The following CDC14B variants were observed in gnomAD, a reference collection of about 807,000 sequenced individuals.
CDC14B encodes cell division cycle 14B.
A neutral mutation model predicts 64.2 loss-of-function variants in CDC14B; 22 were observed. That is an observed-to-expected ratio of 0.34 (90% CI 0.24 to 0.49). The LOEUF (loss-of-function observed/expected upper bound fraction) is 0.49. Ranked by LOEUF, CDC14B falls within the 20% of genes least tolerant of loss-of-function variation. The probability of loss-of-function intolerance (pLI) is 0.99; values close to 1 mark genes in which losing one functional copy is unlikely to be tolerated. For synonymous variants in CDC14B, 191 were observed against 215.8 expected, an observed-to-expected ratio of 0.89 and a Z score of 1.01; for missense variants, 498 against 629.9, an observed-to-expected ratio of 0.79 and a Z score of 2.24.
chr9:96,562,841 ATTTC>A, intron 3 of CDC14B, 56 bp from the exon 4 acceptor site: 1 of 1,144,626 alleles, frequency 8.7e-7, no homozygotes, highest in Non-Finnish European at 1.3e-6. Flanking sequence ...GTCTTCCACA[ATTTC>A]ATTTTGTGAT....
intron 12 of CDC14B, among the ~76,000 whole-genome samples, chr9:96,520,502 C>T (rs376023544): frequency 3.9e-5 from 6 of 152,228 alleles, no homozygotes; most frequent in East Asian, 1.9e-4. Context: ...CGCACAGCCA[C>T]GCCCAGCTAG....
At chr9:96,503,830 A>G in intron 13 of CDC14B, 41 bp from the exon 14 acceptor site, 1 of 1,504,338 alleles carries the variant, frequency 6.6e-7, no homozygotes, top group Non-Finnish European at 9.2e-7. Flanking sequence ...GAAAGTTTAC[A>G]CAGCGTCCAC....
At chr9:96,555,556 G>T (rs944748970) in intron 4 of CDC14B, among the ~76,000 whole-genome samples, 3 of 152,174 alleles carry the variant, frequency 2.0e-5, no homozygotes, top group African/African-American at 7.2e-5. Context: ...TAATTTGCTG[G>T]GCAGCAATAG....
chr9:96,619,110 C>G (rs952519856), intron 1 of CDC14B, 109 bp downstream of exon 1: 1 of 845,282 alleles, frequency 1.2e-6, no homozygotes, highest in Admixed American at 4.6e-5. Context: ...GGGGCGAAGG[C>G]ATTTCGGCCC....
At chr9:96,611,264 T>C (rs1009910163) in intron 1 of CDC14B, among the ~76,000 whole-genome samples, 3 of 152,230 alleles carry the variant, frequency 2.0e-5, no homozygotes, top group African/African-American at 7.2e-5. Context: ...ATTCTTCTTA[T>C]AACACTAGAA....
chr9:96,499,613 C>T (rs529859072), downstream of CDC14B, among the ~76,000 whole-genome samples: 2 of 152,298 alleles, frequency 1.3e-5, no homozygotes, highest in African/African-American at 4.8e-5. Context: ...AGCAGGAGCC[C>T]CCTGTCACTC....
chr9:96,595,813 G>A (rs1846037075), intron 1 of CDC14B, among the ~76,000 whole-genome samples: 1 of 152,142 alleles, frequency 6.6e-6, no homozygotes, highest in South Asian at 2.1e-4. Flanking sequence ...GAGGTGAGGG[G>A]AAGGGAATAG....
intron 1 of CDC14B, among the ~76,000 whole-genome samples, chr9:96,617,489 A>G (rs1254297126): frequency 6.6e-6 from 1 of 152,188 alleles, no homozygotes; most frequent in Non-Finnish European, 1.5e-5. Flanking sequence ...AACCGTATGT[A>G]CATTGGCCTA....
intron 1 of CDC14B, among the ~76,000 whole-genome samples, chr9:96,616,592 C>T (rs150143267): frequency 1.9e-3 from 295 of 151,920 alleles, no homozygotes; most frequent in African/African-American, 6.9e-3. Flanking sequence ...GGCATGGTGG[C>T]GGGCGCCTGT....
chr9:96,568,431 G>A (rs1844264526), intron 1 of CDC14B, among the ~76,000 whole-genome samples: 1 of 152,180 alleles, frequency 6.6e-6, no homozygotes, highest in Non-Finnish European at 1.5e-5. Flanking sequence ...AAAAGTAACA[G>A]AAATGCAAAG....
intron 1 of CDC14B, 151 bp downstream of exon 1, chr9:96,619,068 G>C (rs140114401): frequency 1.2e-5 from 6 of 492,938 alleles, no homozygotes; most frequent in South Asian, 1.0e-4. Context: ...GCTCCTAAAG[G>C]GGGTGTGGCG....
In CDC14B at chr9:96,502,683, G is replaced by A. The variant is rs1325491185; in HGVS notation, c.*1070C>T. 5.1e-6 allele frequency: 2 copies of A among 391,208 alleles called. No individual in the cohort carries two copies. The highest frequency in any genetic ancestry group is 9.0e-6 in the Non-Finnish European group (2 of 221,976). 24.2% of individuals were successfully genotyped at this position (391,208 alleles called of 1,614,324 possible). Reference sequence around the variant, plus strand: ...CTGCTGTGTTCCAGTAGGGCTGCGGGAGAAGGCACTCTGCAGAGTTACTAG... The same window carrying A: ...CTGCTGTGTTCCAGTAGGGCTGCGGAAGAAGGCACTCTGCAGAGTTACTAG... On this transcript the variant is annotated 3_prime_UTR_variant, in exon 14 of 14. Coordinates refer to ENST00000375241, the MANE Select transcript of CDC14B (RefSeq NM_033331.4).
intron 1 of CDC14B, among the ~76,000 whole-genome samples, chr9:96,578,273 T>C (rs557597278): frequency 1.1e-3 from 175 of 152,328 alleles, no homozygotes; most frequent in African/African-American, 3.9e-3. Context: ...ATCTTCCTCA[T>C]AGAACAATTC....
At chr9:96,542,142 T>C (rs1327231685) in intron 5 of CDC14B, among the ~76,000 whole-genome samples, 1 of 152,212 alleles carries the variant, frequency 6.6e-6, no homozygotes, top group Non-Finnish European at 1.5e-5. Context: ...TTTCAAATGT[T>C]CTCTCTGGAT....
chr9:96,605,338 T>C (rs1338893407), intron 1 of CDC14B, among the ~76,000 whole-genome samples: 7 of 152,178 alleles, frequency 4.6e-5, no homozygotes, highest in African/African-American at 1.7e-4. Flanking sequence ...CCTACTGTCA[T>C]AGGACTTGAA....
chr9:96,512,146 A>G (rs567013470), intron 12 of CDC14B, among the ~76,000 whole-genome samples: 1 of 151,402 alleles, frequency 6.6e-6, no homozygotes, highest in South Asian at 2.1e-4. Flanking sequence ...TGAGCCTGGG[A>G]GGTCAAGACT....
intron 1 of CDC14B, among the ~76,000 whole-genome samples, chr9:96,609,798 GT>G (rs1323189275): frequency 6.6e-6 from 1 of 152,158 alleles, no homozygotes; most frequent in Non-Finnish European, 1.5e-5. Context: ...GGAACAAGAT[GT>G]TTTTATTTTG....
intron 12 of CDC14B, among the ~76,000 whole-genome samples, chr9:96,519,497 A>G (rs981406026): frequency 6.6e-6 from 1 of 152,126 alleles, no homozygotes; most frequent in Admixed American, 6.6e-5. Context: ...GCACTTTGGG[A>G]GGCTGAGGTG....
At chr9:96,563,533 C>A (rs1350412605) in intron 3 of CDC14B, among the ~76,000 whole-genome samples, 1 of 151,752 alleles carries the variant, frequency 6.6e-6, no homozygotes, top group Non-Finnish European at 1.5e-5. Flanking sequence ...GCCTGTAATC[C>A]CAGCTACTTG....
Sources: allele counts gnomAD v4.1 joint callset (sites outside exome capture counted in the v4.1 genomes callset), GRCh38; gene constraint gnomAD v4.1.1; transcripts MANE v1.5; gene names NCBI Gene and HGNC (gene_info 2026-07-23, HGNC 2026-07-21).